The following APOOL variants were observed in gnomAD, a reference collection of about 807,000 sequenced individuals.
The protein encoded by APOOL is apolipoprotein O like.
APOOL carries 12 observed loss-of-function variants against 23.1 expected under a neutral mutation model. That is an observed-to-expected ratio of 0.52 (90% CI 0.33 to 0.84). The LOEUF (loss-of-function observed/expected upper bound fraction) is 0.84. Among genes scored for constraint, APOOL ranks in the 40% least tolerant of loss-of-function variants. The pLI, the probability that APOOL is intolerant of heterozygous loss-of-function variation, is 0.02. For missense variants in APOOL, 212 were observed against 199.6 expected (o/e 1.06, Z -0.37); for synonymous variants, 77 against 69.9 (o/e 1.10, Z -0.51).
intron 8 of APOOL, among the ~76,000 whole-genome samples, chrX:85,086,860 C>T (rs1448279140): frequency 1.1e-5 from 1 of 90,167 alleles, no homozygotes; most frequent in East Asian, 3.5e-4. Context: ...CCAACACGCC[C>T]GGCTAATTTT....
rs150594426 is a variant in APOOL at position 85,014,782 on chromosome X, G to A, written c.15+10855G>A. 6.1e-3 allele frequency among the ~76,000 whole-genome samples: 661 copies of A among 108,824 alleles called. 3 individuals carry two copies. Among genetic ancestry groups the A allele is most frequent in the Non-Finnish European group, 9.0e-3 (470 of 52,306 alleles). The allele number at this position is 108,824 out of a possible 115,157, so 94.5% of individuals were successfully genotyped here. A position where few individuals can be genotyped will look rare whatever the true frequency, so the allele number is the denominator to read the frequency against. ...CCTTCACCTTGAGTTTAGATAACCCGATGACTGTGTGTCTCGGTGATGATC... is the reference window on the plus strand; with the variant it reads ...CCTTCACCTTGAGTTTAGATAACCCAATGACTGTGTGTCTCGGTGATGATC... On this transcript the variant is annotated intron_variant, in intron 1 of 8. Transcript: ENST00000373173.
At chrX:85,013,631 G>C (rs1921364462) in intron 1 of APOOL, among the ~76,000 whole-genome samples, 1 of 111,742 alleles carries the variant, frequency 8.9e-6, no homozygotes, top group Non-Finnish European at 1.9e-5. Context: ...GTATAGTTTT[G>C]AGGGTTCCCT....
chrX:85,086,833 G>A (rs1250373743), intron 8 of APOOL, among the ~76,000 whole-genome samples: 1 of 74,800 alleles, frequency 1.3e-5, no homozygotes, highest in African/African-American at 5.3e-5. Flanking sequence ...CCAAGTAGCT[G>A]GGACTACAGG....
intron 6 of APOOL, among the ~76,000 whole-genome samples, chrX:85,069,381 T>G (rs983298579): frequency 9.1e-6 from 1 of 110,339 alleles, no homozygotes; most frequent in Non-Finnish European, 1.9e-5. Flanking sequence ...ACCCACAATT[T>G]TACTTGAAAT....
chrX:85,085,271 G>A, intron 8 of APOOL, among the ~76,000 whole-genome samples: 1 of 111,784 alleles, frequency 8.9e-6, no homozygotes, highest in East Asian at 2.8e-4. Flanking sequence ...ATACTACTGT[G>A]TTTTGTTGCC....
At chrX:85,067,299 C>T (rs1490607337) in intron 6 of APOOL, 81 bp downstream of exon 6, 2 of 642,155 alleles carry the variant, frequency 3.1e-6, no homozygotes, top group South Asian at 3.9e-5. Flanking sequence ...TTACACAGCA[C>T]CTGCAACATT....
intron 1 of APOOL, among the ~76,000 whole-genome samples, chrX:85,010,615 G>C (rs1441834643): frequency 9.0e-6 from 1 of 111,616 alleles, no homozygotes; most frequent in African/African-American, 3.3e-5. Flanking sequence ...TTCAATACCT[G>C]AGTTACTTCA....
chrX:85,011,011 A>AT (rs1388423744), intron 1 of APOOL, among the ~76,000 whole-genome samples: 4 of 108,436 alleles, frequency 3.7e-5, no homozygotes, highest in Non-Finnish European at 7.7e-5. Context: ...AACATCTATT[A>AT]TTTTTTTATT....
chrX:85,082,551 C>G (rs917447870), intron 8 of APOOL, among the ~76,000 whole-genome samples: 1 of 110,776 alleles, frequency 9.0e-6, no homozygotes, highest in Non-Finnish European at 1.9e-5. Flanking sequence ...ATTCTGCAAG[C>G]TAACAGTGAC....
At chrX:85,048,556 A>C (rs1922655846) in intron 2 of APOOL, among the ~76,000 whole-genome samples, 1 of 112,250 alleles carries the variant, frequency 8.9e-6, no homozygotes, top group Middle Eastern at 4.2e-3. Context: ...GCTAGGAACT[A>C]TACACAAAGT....
chrX:85,010,602 G>T (rs764542084), intron 1 of APOOL, among the ~76,000 whole-genome samples: 83 of 111,561 alleles, frequency 7.4e-4, no homozygotes, highest in Middle Eastern at 4.6e-3. Context: ...ATGATAGTTG[G>T]TTTTCAATAC....
chrX:85,086,538 A>G (rs1166483846), intron 8 of APOOL, among the ~76,000 whole-genome samples: 8 of 111,575 alleles, frequency 7.2e-5, no homozygotes, highest in African/African-American at 2.0e-4. Context: ...TGTCTATTCT[A>G]CCTTCAACAT....
intron 8 of APOOL, among the ~76,000 whole-genome samples, chrX:85,075,787 G>A (rs1165450507): frequency 9.0e-6 from 1 of 111,604 alleles, no homozygotes; most frequent in Non-Finnish European, 1.9e-5. Context: ...CTTGGGTGAT[G>A]TGGTATATGA....
In APOOL at chrX:85,054,339, C is replaced by CT. The variant is rs377601337; in HGVS notation, c.241-3dup. Reference sequence around the variant, plus strand: ...GATGTCTTCCCCCCCTTTTTTTTTGCTTAGGGTGTTTATGTCTTTGTGAAA... The same window carrying CT: ...GATGTCTTCCCCCCCTTTTTTTTTGCTTTAGGGTGTTTATGTCTTTGTGAAA... On this transcript the variant is annotated splice_polypyrimidine_tract_variant and splice_region_variant and intron_variant, in intron 3 of 8. Transcript: ENST00000373173. 340 of 1,168,895 alleles carry CT rather than the reference C, an allele frequency of 2.9e-4. No individual in the cohort carries two copies. The African/African-American group carries it at 5.1e-3, about 18-fold the overall frequency.
chrX:85,035,867 G>A (rs1263658388), intron 1 of APOOL, among the ~76,000 whole-genome samples: 2 of 111,843 alleles, frequency 1.8e-5, no homozygotes, highest in African/African-American at 3.2e-5. Flanking sequence ...ACTATGCTGT[G>A]TTGGTTACTA....
chrX:85,035,468 G>C (rs1291192770), intron 1 of APOOL, among the ~76,000 whole-genome samples: 1 of 111,125 alleles, frequency 9.0e-6, no homozygotes, highest in Admixed American at 9.6e-5. Context: ...GGTTCCATTT[G>C]TCAATTTTTG....
chrX:85,077,717 C>A (rs1317879514), intron 8 of APOOL, among the ~76,000 whole-genome samples: 1 of 111,832 alleles, frequency 8.9e-6, no homozygotes, highest in Non-Finnish European at 1.9e-5. Context: ...AATTTACACT[C>A]CCACCAACAG....
chrX:85,008,535 T>TTGTGTGTGTGTG (rs57105866), intron 1 of APOOL, among the ~76,000 whole-genome samples: 15,085 of 85,792 alleles, frequency 0.18, 1,401 homozygotes, highest in South Asian at 0.36. Flanking sequence ...TGATAACCCG[T>TTGTGTGTGTGTG]TGTGTGTGTG....
At chrX:85,033,279 T>G (rs775614297) in intron 1 of APOOL, among the ~76,000 whole-genome samples, 1 of 112,131 alleles carries the variant, frequency 8.9e-6, no homozygotes, top group African/African-American at 3.2e-5. Context: ...TAATTACCCC[T>G]TTTCCATTGC....
Sources: gnomAD v4.1 joint callset for allele counts (sites outside exome capture counted in the v4.1 genomes callset) on GRCh38, gnomAD v4.1.1 for gene constraint, MANE v1.5 for transcripts, NCBI Gene and HGNC (gene_info 2026-07-23, HGNC 2026-07-21) for gene names.